The following POU2F3 variants were observed in gnomAD, a reference collection of about 807,000 sequenced individuals.
POU2F3 encodes the protein POU domain, class 2, transcription factor 3.
In POU2F3, 23 loss-of-function variants were observed where a neutral mutation model predicts 59.2. The ratio of observed to expected loss-of-function variants is 0.39; its 90% CI spans 0.28 to 0.55. The LOEUF (loss-of-function observed/expected upper bound fraction) is 0.55. Ranked by LOEUF, POU2F3 falls within the 20% of genes least tolerant of loss-of-function variation. The pLI is 0.66. For missense variants in POU2F3, 473 were observed against 544.5 expected (o/e 0.87, Z 1.31); for synonymous variants, 190 against 214.6 (o/e 0.89, Z 1.00).
chr11:120,242,186 A>G (rs2135117038), intron 1 of POU2F3, among the ~76,000 whole-genome samples: 1 of 152,198 alleles, frequency 6.6e-6, no homozygotes, highest in Middle Eastern at 3.4e-3. Context: ...GCCCCTCTGT[A>G]GTGTCTGAGG....
intron 2 of POU2F3, among the ~76,000 whole-genome samples, chr11:120,264,792 C>G (rs2847495): frequency 6.6e-6 from 1 of 151,974 alleles, no homozygotes; most frequent in Non-Finnish European, 1.5e-5. Flanking sequence ...CCTCTGACTT[C>G]CAGTCCAGGA....
At chr11:120,291,141 A>C (rs775842222) in intron 3 of POU2F3, among the ~76,000 whole-genome samples, 5 of 152,138 alleles carry the variant, frequency 3.3e-5, no homozygotes, top group African/African-American at 4.8e-5. Flanking sequence ...GTCATTGAGA[A>C]CTCTGAGTGG....
chr11:120,315,454 G>C, intron 11 of POU2F3, 27 bp downstream of exon 11: 1 of 1,588,478 alleles, frequency 6.3e-7, no homozygotes, highest in Non-Finnish European at 8.6e-7. Context: ...GATTTCTGAA[G>C]AACACCAGAA....
At chr11:120,237,649 G>A (rs1444977311), upstream of POU2F3, among the ~76,000 whole-genome samples, 1 of 152,188 alleles carries the variant, frequency 6.6e-6, no homozygotes, top group South Asian at 2.1e-4. Flanking sequence ...CGGTGCACAT[G>A]GCCATGCAAA....
At chr11:120,315,958 T>C (rs1482649306) in intron 11 of POU2F3, among the ~76,000 whole-genome samples, 1 of 149,114 alleles carries the variant, frequency 6.7e-6, no homozygotes, top group African/African-American at 2.5e-5. Flanking sequence ...CCACACCCTC[T>C]GCCTCCCAGG....
intron 2 of POU2F3, chr11:120,254,805 A>G (rs1939268492): frequency 6.6e-6 from 1 of 152,136 alleles, no homozygotes; most frequent in Non-Finnish European, 1.5e-5. Flanking sequence ...TCAGACACCA[A>G]GAGTTCAAAG....
intron 4 of POU2F3, 81 bp downstream of exon 4, chr11:120,298,471 C>T (rs893647983): frequency 1.5e-5 from 23 of 1,568,512 alleles, no homozygotes; most frequent in Non-Finnish European, 1.6e-5. Context: ...GCTTGGTACT[C>T]GTCTAAAGAA....
chr11:120,307,036 C>G (rs1225430868), intron 8 of POU2F3, among the ~76,000 whole-genome samples: 3 of 152,262 alleles, frequency 2.0e-5, no homozygotes, highest in Non-Finnish European at 4.4e-5. Context: ...AGTGCCATTG[C>G]TTTTGGCTGC....
intron 2 of POU2F3, among the ~76,000 whole-genome samples, chr11:120,265,141 G>T (rs984118629): frequency 6.6e-6 from 1 of 152,230 alleles, no homozygotes; most frequent in Non-Finnish European, 1.5e-5. Context: ...CGGAAGGAAA[G>T]CAGGAACAAG....
chr11:120,263,540 C>A (rs529652270), intron 2 of POU2F3, among the ~76,000 whole-genome samples: 7 of 152,328 alleles, frequency 4.6e-5, no homozygotes, highest in African/African-American at 1.7e-4. Flanking sequence ...TCTTTATTAG[C>A]CTAAGCTGTT....
At chr11:120,265,629 C>A (rs1029164484) in intron 2 of POU2F3, among the ~76,000 whole-genome samples, 1 of 152,226 alleles carries the variant, frequency 6.6e-6, no homozygotes, top group African/African-American at 2.4e-5. Flanking sequence ...TCAAATTAAT[C>A]TCTGAATTGT....
At chr11:120,304,611 A>G (rs970055885) in intron 6 of POU2F3, among the ~76,000 whole-genome samples, 1 of 150,140 alleles carries the variant, frequency 6.7e-6, no homozygotes, top group Non-Finnish European at 1.5e-5. Flanking sequence ...ATGGAAAAAA[A>G]CAAAAAACAA....
In POU2F3 at chr11:120,265,588, C is replaced by A. The variant is rs1466417886; in HGVS notation, c.98-3622C>A. ...AGGGGGCCACGGCCAAACTTCCGGG[C>A]AACAGAAATGGTTGATTGTGTTGGT... On this transcript the variant is annotated intron_variant, in intron 2 of 12. Coordinates refer to ENST00000543440, the MANE Select transcript of POU2F3 (RefSeq NM_014352.4). 3 of 152,242 alleles carry A rather than the reference C, an allele frequency of 2.0e-5. No individual in the cohort carries two copies. The East Asian group carries it at 5.8e-4, about 29-fold the overall frequency. The allele number at this position is 152,242 out of a possible 1,614,324, so 9.4% of individuals were successfully genotyped here.
intron 3 of POU2F3, among the ~76,000 whole-genome samples, chr11:120,281,812 T>A (rs1940581894): frequency 6.6e-6 from 1 of 152,144 alleles, no homozygotes; most frequent in Admixed American, 6.5e-5. Context: ...ACAATCTGTG[T>A]AACCTGGTGA....
At chr11:120,247,020 T>C (rs943884379) in intron 2 of POU2F3, among the ~76,000 whole-genome samples, 1 of 152,112 alleles carries the variant, frequency 6.6e-6, no homozygotes, top group Non-Finnish European at 1.5e-5. Context: ...AGGGAAAGGA[T>C]GTCAGTAGTC....
At chr11:120,311,518 C>T (rs1479230167) in intron 10 of POU2F3, among the ~76,000 whole-genome samples, 2 of 152,168 alleles carry the variant, frequency 1.3e-5, no homozygotes, top group Admixed American at 6.5e-5. Flanking sequence ...TGCGATGACT[C>T]TTGGCATTCA....
intron 3 of POU2F3, 38 bp downstream of exon 3, chr11:120,269,282 A>G (rs1179967182): frequency 1.3e-6 from 2 of 1,525,772 alleles, no homozygotes. Flanking sequence ...TTATTCTATA[A>G]AATTTGGGCA....
intron 10 of POU2F3, among the ~76,000 whole-genome samples, chr11:120,311,522 G>A (rs1941647343): frequency 6.6e-6 from 1 of 152,206 alleles, no homozygotes; most frequent in Non-Finnish European, 1.5e-5. Context: ...ATGACTCTTG[G>A]CATTCAGGCT....
At chr11:120,260,033 A>G (rs1463039823) in intron 2 of POU2F3, among the ~76,000 whole-genome samples, 1 of 152,244 alleles carries the variant, frequency 6.6e-6, no homozygotes, top group Non-Finnish European at 1.5e-5. Flanking sequence ...AAATGCCAGC[A>G]AGGTGCTAGT....
Sources: gnomAD v4.1 joint callset for allele counts (sites outside exome capture counted in the v4.1 genomes callset) on GRCh38, gnomAD v4.1.1 for gene constraint, MANE v1.5 for transcripts, NCBI Gene and HGNC (gene_info 2026-07-23, HGNC 2026-07-21) for gene names.